The following SYN3 variants were observed in gnomAD, a reference collection of about 807,000 sequenced individuals.
SYN3 encodes synapsin III.
In SYN3, 35 loss-of-function variants were observed where a neutral mutation model predicts 65.8. That is an observed-to-expected ratio of 0.53 (90% confidence interval 0.41 to 0.70). The LOEUF is 0.70. Among genes scored for constraint, SYN3 ranks in the 30% least tolerant of loss-of-function variants. The pLI, the probability that SYN3 is intolerant of heterozygous loss-of-function variation, is 0.00. For synonymous variants in SYN3, 270 were observed against 292.9 expected, an observed-to-expected ratio of 0.92 and a Z score of 0.80; for missense variants, 680 against 749.0, an observed-to-expected ratio of 0.91 and a Z score of 1.08.
intron 6 of SYN3, among the ~76,000 whole-genome samples, chr22:32,726,002 C>G (rs9621545): frequency 0.32 from 48,611 of 152,060 alleles, 9,690 homozygotes; most frequent in East Asian, 0.67. Flanking sequence ...CTGGTACATG[C>G]CTCCTTTTCA....
chr22:32,648,711 C>A lies in SYN3; in HGVS notation c.712-51975G>T, dbSNP rs575595511. On this transcript the variant is annotated intron_variant, in intron 6 of 13. Coordinates refer to ENST00000358763, the MANE Select transcript of SYN3 (RefSeq NM_003490.4). ...TTAGCTGTAAAATGGGAACGTACTA[C>A]CTCTTGAGGTTGCTGAAAGATTAAA... 2.6e-5 allele frequency among the ~76,000 whole-genome samples: 4 copies of A among 152,318 alleles called. No individual in the cohort carries two copies. The Middle Eastern group carries it at 0.01, about 389-fold the overall frequency.
chr22:32,642,164 C>T (rs1430369484), intron 6 of SYN3, among the ~76,000 whole-genome samples: 1 of 151,898 alleles, frequency 6.6e-6, no homozygotes, highest in Non-Finnish European at 1.5e-5. Flanking sequence ...GTGCAAGCGC[C>T]TGTAATCCCA....
chr22:32,693,170 C>T (rs997204614), intron 6 of SYN3, among the ~76,000 whole-genome samples: 1 of 152,070 alleles, frequency 6.6e-6, no homozygotes, highest in African/African-American at 2.4e-5. Context: ...ACAGCAAGAA[C>T]TAATAATAAA....
chr22:32,763,887 G>A (rs967031067), intron 6 of SYN3, among the ~76,000 whole-genome samples: 3 of 151,930 alleles, frequency 2.0e-5, no homozygotes, highest in East Asian at 1.9e-4. Context: ...TGAGGGAAGC[G>A]GACAATTGCT....
chr22:32,861,860 C>T (rs1455892418), intron 6 of SYN3: 1 of 152,586 alleles, frequency 6.6e-6, no homozygotes, highest in Non-Finnish European at 1.5e-5. Flanking sequence ...ATATCATGAA[C>T]ATTTTATTTT....
rs869038721 is a variant in SYN3, at chr22:32,786,016, AAG to A, written c.711+78897_711+78898del. ...TTCAAAGAAGAAGAAGAAGAAGAAGAAGAAAAAAAAAATACAGCATTCTAGCA... is the reference window on the plus strand; with the variant it reads ...TTCAAAGAAGAAGAAGAAGAAGAAGAAAAAAAAAAATACAGCATTCTAGCA... On this transcript the variant is annotated intron_variant, in intron 6 of 13. Transcript: ENST00000358763. 9.8e-4 allele frequency among the ~76,000 whole-genome samples: 144 copies of A among 146,568 alleles called. 1 individual carries two copies. Among genetic ancestry groups the A allele is most frequent in the Middle Eastern group, 7.4e-3 (2 of 272 alleles).
chr22:32,938,815 C>G (rs1263164040), intron 3 of SYN3, among the ~76,000 whole-genome samples: 1 of 151,898 alleles, frequency 6.6e-6, no homozygotes, highest in East Asian at 1.9e-4. Context: ...GTAATCCCAG[C>G]CACTTGGGAT....
intron 1 of SYN3, among the ~76,000 whole-genome samples, chr22:33,031,845 G>A (rs1373940603): frequency 2.0e-5 from 3 of 152,094 alleles, no homozygotes; most frequent in African/African-American, 7.2e-5. Context: ...TGGGAAGGGA[G>A]GCCAGACATG....
chr22:32,603,620 C>T (rs1333899886), intron 6 of SYN3, among the ~76,000 whole-genome samples: 1 of 152,162 alleles, frequency 6.6e-6, no homozygotes, highest in Non-Finnish European at 1.5e-5. Context: ...CCTGTGGCCA[C>T]CCCACTTCCC....
chr22:32,613,470 G>A (rs1175642488), intron 6 of SYN3, among the ~76,000 whole-genome samples: 1 of 152,240 alleles, frequency 6.6e-6, no homozygotes, highest in East Asian at 1.9e-4. Flanking sequence ...GCCATTCAGA[G>A]GGGAAGCTTT....
At chr22:32,869,487 G>C (rs981756967) in intron 4 of SYN3, among the ~76,000 whole-genome samples, 2 of 152,012 alleles carry the variant, frequency 1.3e-5, no homozygotes, top group Non-Finnish European at 2.9e-5. Context: ...CTGAATGTAT[G>C]TATTATCCAT....
At chr22:32,979,800 C>T (rs1188608711) in intron 3 of SYN3, among the ~76,000 whole-genome samples, 2 of 152,114 alleles carry the variant, frequency 1.3e-5, no homozygotes, top group Non-Finnish European at 2.9e-5. Flanking sequence ...CCCAGTTGGA[C>T]AGATGAAGAA....
intron 1 of SYN3, among the ~76,000 whole-genome samples, chr22:33,035,340 C>A (rs561849670): frequency 2.8e-5 from 3 of 107,386 alleles, no homozygotes; most frequent in Admixed American, 1.9e-4. Context: ...ACCCCCCCCC[C>A]CCCCGCCACC....
At chr22:32,893,953 T>C (rs536104701) in intron 4 of SYN3, among the ~76,000 whole-genome samples, 1 of 152,274 alleles carries the variant, frequency 6.6e-6, no homozygotes, top group African/African-American at 2.4e-5. Flanking sequence ...CAGATGATGG[T>C]ACCTTCTTTC....
At chr22:32,538,681 C>T (rs1017122857) in intron 8 of SYN3, among the ~76,000 whole-genome samples, 3 of 151,758 alleles carry the variant, frequency 2.0e-5, no homozygotes. Context: ...CCCTTTACTC[C>T]GTACAGTCTT....
chr22:32,553,378 A>T (rs2146310777), intron 7 of SYN3, among the ~76,000 whole-genome samples: 1 of 152,328 alleles, frequency 6.6e-6, no homozygotes, highest in South Asian at 2.1e-4. Flanking sequence ...CAGACATGGC[A>T]AAAAAGGTAA....
intron 11 of SYN3, 36 bp downstream of exon 11, chr22:32,528,838 T>C (rs772532866): frequency 6.2e-7 from 1 of 1,613,362 alleles, no homozygotes; most frequent in Non-Finnish European, 8.5e-7. Flanking sequence ...GCATTTCTCA[T>C]GGCTATAAAG....
chr22:32,840,522 T>A lies in SYN3; in HGVS notation c.711+24393A>T, dbSNP rs562101507. Among the ~76,000 whole-genome samples, 318 of 145,514 alleles carry A rather than the reference T, an allele frequency of 2.2e-3. 1 individual carries two copies. Among genetic ancestry groups the A allele is most frequent in the Non-Finnish European group, 3.5e-3 (232 of 66,098 alleles). On this transcript the variant is annotated intron_variant, in intron 6 of 13. Transcript: ENST00000358763. ...CCCCACCCCCAGCCCCCAGCCCCCATGCTCTTGCAGTGGGAGGGGGGTCAT... is the reference window on the plus strand; with the variant it reads ...CCCCACCCCCAGCCCCCAGCCCCCAAGCTCTTGCAGTGGGAGGGGGGTCAT...
intron 2 of SYN3, among the ~76,000 whole-genome samples, chr22:32,989,476 T>C (rs1029042417): frequency 1.3e-5 from 2 of 152,164 alleles, no homozygotes; most frequent in Non-Finnish European, 2.9e-5. Flanking sequence ...TCGAGCATGA[T>C]GGAGACCTTC....
Sources: gnomAD v4.1 joint callset for allele counts (sites outside exome capture counted in the v4.1 genomes callset) on GRCh38, gnomAD v4.1.1 for gene constraint, MANE v1.5 for transcripts, NCBI Gene and HGNC (gene_info 2026-07-23, HGNC 2026-07-21) for gene names.